The following GCA variants were observed in gnomAD, a reference collection of about 807,000 sequenced individuals.
GCA encodes grancalcin, EF-hand calcium-binding protein.
GCA carries 30 observed loss-of-function variants against 32.6 expected under a neutral mutation model. The observed-to-expected ratio is 0.92, with a 90% confidence interval of 0.69 to 1.25. GCA has a LOEUF of 1.25. GCA is among the 50% of genes most tolerant of loss of function. GCA has a pLI of 0.00. For synonymous variants in GCA, 102 were observed against 84.6 expected, an observed-to-expected ratio of 1.21 and a Z score of -1.13; for missense variants, 291 against 266.8, an observed-to-expected ratio of 1.09 and a Z score of -0.63.
intron 1 of GCA, among the ~76,000 whole-genome samples, chr2:162,328,770 TCTTGC>T (rs1683978669): frequency 6.6e-6 from 1 of 152,352 alleles, no homozygotes; most frequent in Admixed American, 6.5e-5. Flanking sequence ...TATCTTGCGT[TCTTGC>T]CTTGGTGTAC....
At chr2:162,334,761 G>C (rs1157761979) in intron 1 of GCA, among the ~76,000 whole-genome samples, 1 of 151,460 alleles carries the variant, frequency 6.6e-6, no homozygotes, top group Non-Finnish European at 1.5e-5. Flanking sequence ...TGTAGAGCTT[G>C]GCACACAGGA....
intron 4 of GCA, among the ~76,000 whole-genome samples, chr2:162,370,766 T>A (rs1196150771): frequency 6.6e-6 from 1 of 152,032 alleles, no homozygotes; most frequent in Admixed American, 6.6e-5. Flanking sequence ...GTGTCGACTA[T>A]TTTTTATTTA....
chr2:162,348,256 G>C (rs1684809698), intron 2 of GCA, among the ~76,000 whole-genome samples: 1 of 151,976 alleles, frequency 6.6e-6, no homozygotes, highest in Admixed American at 6.6e-5. Flanking sequence ...GGAAATTTTA[G>C]GAAAGTAGGA....
downstream of GCA, among the ~76,000 whole-genome samples, chr2:162,364,197 C>T (rs188676711): frequency 2.3e-4 from 35 of 151,564 alleles, 1 homozygote; most frequent in Admixed American, 3.3e-4. Context: ...TATTTGCATT[C>T]TAGTTGACTG....
chr2:162,347,774 C>T, intron 2 of GCA, 32 bp downstream of exon 2: 1 of 1,313,798 alleles, frequency 7.6e-7, no homozygotes, highest in Non-Finnish European at 1.0e-6. Context: ...ATAAATATGT[C>T]TTTAAAATTA....
In GCA at chr2:162,359,504, GA is replaced by G; in HGVS notation, c.583del (p.Arg195GlufsTer29). ...KLRALTDFFR[K>X]RDHLQQGSAN... The stretch of plus-strand genomic sequence containing the variant: ...TTTCTTTGTTTAAAGATTTCTTTAG[GA>G]AAAGAGACCACTTGCAACAAGGGTC... On this transcript the variant is annotated frameshift_variant, in exon 7 of 8. Transcript: ENST00000437150. LOFTEE classifies it high-confidence loss of function. 4 of 1,510,536 alleles carry G rather than the reference GA, an allele frequency of 2.6e-6. No individual in the cohort carries two copies. Among genetic ancestry groups the G allele is most frequent in the Non-Finnish European group, 3.6e-6 (4 of 1,098,874 alleles). The allele number at this position is 1,510,536 out of a possible 1,614,324, so 93.6% of individuals were successfully genotyped here.
chr2:162,353,432 C>T (rs1162589211), intron 3 of GCA, among the ~76,000 whole-genome samples: 2 of 152,192 alleles, frequency 1.3e-5, no homozygotes, highest in African/African-American at 4.8e-5. Flanking sequence ...TGGGCCACTG[C>T]ACTCCAGCCT....
At chr2:162,320,274 T>C (rs1683616021) in intron 1 of GCA, among the ~76,000 whole-genome samples, 1 of 152,222 alleles carries the variant, frequency 6.6e-6, no homozygotes, top group Non-Finnish European at 1.5e-5. Context: ...GATGACCTTG[T>C]ACCCAGATAG....
At chr2:162,341,007 A>G (rs1265034896), upstream of GCA, among the ~76,000 whole-genome samples, 2 of 151,854 alleles carry the variant, frequency 1.3e-5, no homozygotes, top group Non-Finnish European at 2.9e-5. Context: ...TCATCTTCTC[A>G]CATGGTTTAT....
intron 4 of GCA, among the ~76,000 whole-genome samples, chr2:162,370,117 C>T (rs1685878884): frequency 1.3e-5 from 2 of 152,100 alleles, no homozygotes; most frequent in Admixed American, 1.3e-4. Flanking sequence ...AATCTAAGGT[C>T]ACTTTAATCA....
chr2:162,330,844 T>G (rs1278138865), intron 1 of GCA, among the ~76,000 whole-genome samples: 1 of 152,256 alleles, frequency 6.6e-6, no homozygotes, highest in Non-Finnish European at 1.5e-5. Flanking sequence ...TAGTGAATAC[T>G]GAGCCATTGC....
At position 162,344,167 on chromosome 2, in the gene GCA, C is replaced by G. The variant is rs1684551487; in HGVS notation, c.-82C>G. 2 of 1,484,450 alleles carry G rather than the reference C, an allele frequency of 1.3e-6. No individual in the cohort carries two copies. Among genetic ancestry groups the G allele is most frequent in the African/African-American group, 1.4e-5 (1 of 72,342 alleles). 92.0% of individuals were successfully genotyped at this position (1,484,450 alleles called of 1,614,324 possible). On this transcript the variant is annotated 5_prime_UTR_variant, in exon 1 of 8. Transcript: ENST00000437150. Reference sequence around the variant, plus strand: ...TCAGCCTCACCTGCAGCTGCGCCTCCTTGCACCTGCGCCTGTGCTTTTTCT... The same window carrying G: ...TCAGCCTCACCTGCAGCTGCGCCTCGTTGCACCTGCGCCTGTGCTTTTTCT...
At chr2:162,330,847 G>A (rs567771590) in intron 1 of GCA, among the ~76,000 whole-genome samples, 7 of 152,310 alleles carry the variant, frequency 4.6e-5, no homozygotes, top group African/African-American at 1.4e-4. Flanking sequence ...TGAATACTGA[G>A]CCATTGCTTC....
Position 162,347,561 on chromosome 2 carries a change from C to T in GCA, c.28-17C>T. ...TAGTATTTATATTACTAACCTTCTCCCCTTTCACTATTATAGTTTGGAAAT... is the reference window on the plus strand; with the variant it reads ...TAGTATTTATATTACTAACCTTCTCTCCTTTCACTATTATAGTTTGGAAAT... On this transcript the variant is annotated splice_polypyrimidine_tract_variant and intron_variant, in intron 1 of 7. Coordinates refer to ENST00000437150, the MANE Select transcript of GCA (RefSeq NM_012198.5). The T allele has an allele frequency of 6.5e-7, 1 of 1,527,106 alleles. No individual in the cohort carries two copies. The highest frequency in any genetic ancestry group is 8.9e-7 in the Non-Finnish European group (1 of 1,120,994). 94.6% of individuals were successfully genotyped at this position (1,527,106 alleles called of 1,614,324 possible).
intron 1 of GCA, among the ~76,000 whole-genome samples, chr2:162,332,401 T>A (rs1684129657): frequency 6.8e-6 from 1 of 148,028 alleles, no homozygotes; most frequent in Non-Finnish European, 1.5e-5. Flanking sequence ...TAAAAATATA[T>A]AACTTCATGG....
At chr2:162,332,045 C>T (rs963243266) in intron 1 of GCA, among the ~76,000 whole-genome samples, 15 of 152,014 alleles carry the variant, frequency 9.9e-5, no homozygotes, top group Admixed American at 9.2e-4. Flanking sequence ...TGTGGTGGCT[C>T]ACGCCTGTAA....
downstream of GCA, among the ~76,000 whole-genome samples, chr2:162,374,958 C>T (rs538537805): frequency 1.6e-4 from 25 of 152,242 alleles, no homozygotes; most frequent in South Asian, 5.2e-3. Context: ...ACCTGAAGGT[C>T]TGATCTAATT....
chr2:162,325,520 CA>C lies in GCA; in HGVS notation c.-31+6296del, dbSNP rs530429767. Among the ~76,000 whole-genome samples the C allele has an allele frequency of 5.9e-5, 9 of 152,288 alleles. No individual in the cohort carries two copies. The South Asian group carries it at 1.9e-3, about 32-fold the overall frequency. ...TTTTATCAAGGCCTCTCCAGGAAGG[CA>C]GTGGGATTTTCATCAAATTCCTGTC... is the stretch of plus-strand genomic sequence containing the variant. On this transcript the variant is annotated intron_variant, in intron 1 of 4. Coordinates refer to the GCA transcript ENST00000429691.
intron 5 of GCA, among the ~76,000 whole-genome samples, chr2:162,358,582 AATC>A (rs1685402823): frequency 6.6e-6 from 1 of 151,378 alleles, no homozygotes; most frequent in South Asian, 2.1e-4. Context: ...CCTGTAGAGT[AATC>A]ATGTTGATCC....
Sources: allele counts gnomAD v4.1 joint callset (sites outside exome capture counted in the v4.1 genomes callset), GRCh38; gene constraint gnomAD v4.1.1; transcripts MANE v1.5; gene names NCBI Gene and HGNC (gene_info 2026-07-23, HGNC 2026-07-21).